NOS1AP: variants seen among roughly 807,000 people sequenced by gnomAD.
NOS1AP encodes the protein nitric oxide synthase 1 adaptor protein, also known as carboxyl-terminal PDZ ligand of neuronal nitric oxide synthase protein.
Under a neutral mutation model 56.2 loss-of-function variants are expected in NOS1AP, and 21 were observed. The observed-to-expected ratio is 0.37, with a 90% CI of 0.26 to 0.54. NOS1AP has a LOEUF of 0.54. Ranked by LOEUF, NOS1AP falls within the 20% of genes least tolerant of loss-of-function variation. NOS1AP has a pLI of 0.84. For synonymous variants in NOS1AP, 270 were observed against 274.6 expected, an observed-to-expected ratio of 0.98 and a Z score of 0.17; for missense variants, 522 against 657.8, an observed-to-expected ratio of 0.79 and a Z score of 2.26.
At chr1:162,202,402 G>T (rs1652023536) in intron 2 of NOS1AP, among the ~76,000 whole-genome samples, 1 of 152,022 alleles carries the variant, frequency 6.6e-6, no homozygotes, top group Non-Finnish European at 1.5e-5. Flanking sequence ...TTACAAAGTT[G>T]AAATCATGGT....
At chr1:162,311,442 T>C (rs1434917523) in intron 4 of NOS1AP, among the ~76,000 whole-genome samples, 5 of 152,172 alleles carry the variant, frequency 3.3e-5, no homozygotes, top group African/African-American at 1.2e-4. Flanking sequence ...ATACCTACAA[T>C]GGATGATGAG....
At chr1:162,308,463 A>G (rs746229103) in intron 4 of NOS1AP, among the ~76,000 whole-genome samples, 6 of 152,084 alleles carry the variant, frequency 3.9e-5, no homozygotes, top group Non-Finnish European at 7.4e-5. Context: ...GGCCCACAAC[A>G]CCTAGTGTCT....
chr1:162,330,506 C>T (rs1656730856), intron 4 of NOS1AP, among the ~76,000 whole-genome samples: 1 of 152,182 alleles, frequency 6.6e-6, no homozygotes, highest in Admixed American at 6.5e-5. Flanking sequence ...GTGTTCACAG[C>T]AGTTGCAGAA....
intron 1 of NOS1AP, among the ~76,000 whole-genome samples, chr1:162,131,128 C>A (rs16856790): frequency 6.6e-6 from 1 of 152,102 alleles, no homozygotes; most frequent in Admixed American, 6.5e-5. Flanking sequence ...AGAACTACTG[C>A]GTATTTTATA....
chr1:162,154,324 G>A, intron 1 of NOS1AP, 81 bp from the exon 2 acceptor site: 6 of 1,254,890 alleles, frequency 4.8e-6, no homozygotes, highest in Non-Finnish European at 7.0e-6. Context: ...AGATGAGCTA[G>A]TCCTTTACCC....
intron 1 of NOS1AP, among the ~76,000 whole-genome samples, chr1:162,127,430 T>G (rs1364316786): frequency 6.6e-6 from 1 of 152,154 alleles, no homozygotes; most frequent in Non-Finnish European, 1.5e-5. Flanking sequence ...GTAGGGATTA[T>G]TCATACTTCA....
intron 2 of NOS1AP, among the ~76,000 whole-genome samples, chr1:162,254,699 C>T (rs80206437): frequency 0.064 from 9,817 of 152,232 alleles, 412 homozygotes; most frequent in African/African-American, 0.11. Context: ...AATTAACTAC[C>T]ACAATACTTT....
chr1:162,279,457 C>T (rs536855442), intron 2 of NOS1AP, among the ~76,000 whole-genome samples: 11 of 152,314 alleles, frequency 7.2e-5, no homozygotes, highest in African/African-American at 2.4e-4. Flanking sequence ...ATGCAGCCTC[C>T]TCACAGAACA....
intron 3 of NOS1AP, 121 bp downstream of exon 3, chr1:162,287,557 T>C (rs1655127631): frequency 1.3e-6 from 1 of 766,328 alleles, no homozygotes. Flanking sequence ...CAAGCTCTTC[T>C]GCTTTGAGCA....
rs5778264 is a variant in NOS1AP at position 162,306,963 on chromosome 1, C to CA, written c.344+6271dup. On this transcript the variant is annotated intron_variant, in intron 4 of 9. Transcript: ENST00000361897. ...GGGCAACAGAGTGAGACTTTTGTCT[C>CA]AAAAAAAAAAAAAATAGTTTCATCC... Among the ~76,000 whole-genome samples the CA allele has an allele frequency of 1.5e-3, 213 of 142,180 alleles. 1 individual carries two copies. Among genetic ancestry groups the CA allele is most frequent in the African/African-American group, 3.8e-3 (148 of 38,504 alleles). 93.3% of individuals were successfully genotyped at this position (142,180 alleles called of 152,430 possible). A position where few individuals can be genotyped will look rare whatever the true frequency, so the allele number is the denominator to read the frequency against.
chr1:162,086,258 G>A (rs1233216094), intron 1 of NOS1AP, among the ~76,000 whole-genome samples: 1 of 152,108 alleles, frequency 6.6e-6, no homozygotes, highest in Admixed American at 6.5e-5. Context: ...GGAGAGTGGT[G>A]GAGGGGGCAA....
intron 4 of NOS1AP, among the ~76,000 whole-genome samples, chr1:162,330,039 C>G (rs996850609): frequency 5.3e-5 from 8 of 152,368 alleles, no homozygotes; most frequent in African/African-American, 1.9e-4. Flanking sequence ...TGCCGTTCCT[C>G]TGTTCCTTCC....
chr1:162,214,269 G>GTTCATTCATTCA, intron 2 of NOS1AP, among the ~76,000 whole-genome samples: 1 of 150,778 alleles, frequency 6.6e-6, no homozygotes, highest in Middle Eastern at 3.4e-3. Context: ...TCGTTCGTTC[G>GTTCATTCATTCA]TTCATTCATT....
At chr1:162,095,990 T>A (rs1692231887) in intron 1 of NOS1AP, among the ~76,000 whole-genome samples, 1 of 152,256 alleles carries the variant, frequency 6.6e-6, no homozygotes, top group Non-Finnish European at 1.5e-5. Context: ...TGTCTTCTAA[T>A]TCATCCTGTT....
At chr1:162,211,983 T>G (rs1282551832) in intron 2 of NOS1AP, among the ~76,000 whole-genome samples, 2 of 152,218 alleles carry the variant, frequency 1.3e-5, no homozygotes, top group African/African-American at 4.8e-5. Context: ...TATGAAGTCA[T>G]AAGACTACTT....
intron 1 of NOS1AP, among the ~76,000 whole-genome samples, chr1:162,133,809 A>C (rs1648860548): frequency 7.0e-6 from 1 of 143,482 alleles, no homozygotes; most frequent in Admixed American, 6.6e-5. Context: ...AGTGTGGTTA[A>C]TTCCTCTCAA....
intron 4 of NOS1AP, among the ~76,000 whole-genome samples, chr1:162,308,854 C>A (rs1446917373): frequency 6.6e-6 from 1 of 152,122 alleles, no homozygotes; most frequent in African/African-American, 2.4e-5. Flanking sequence ...TCCCAGCAAC[C>A]CTGAGTGGTA....
rs917425372 is a variant in NOS1AP, at chr1:162,367,472, C to T, written c.*5C>T. On this transcript the variant is annotated 3_prime_UTR_variant, in exon 10 of 10. Transcript: ENST00000361897. The surrounding 1 kb of genome is among the most constrained non-coding windows in gnomAD (Gnocchi z 6.5). ...GATGATGAGATCGCCGTGTAGGTGC[C>T]GAGGGCGAGGAGATGGAGGCGGCGG... The T allele has an allele frequency of 2.6e-6, 4 of 1,548,694 alleles. No individual in the cohort carries two copies. The highest frequency in any genetic ancestry group is 2.7e-5 in the African/African-American group (2 of 73,668).
intron 2 of NOS1AP, among the ~76,000 whole-genome samples, chr1:162,284,464 G>A (rs1655032401): frequency 6.6e-6 from 1 of 152,168 alleles, no homozygotes; most frequent in African/African-American, 2.4e-5. Context: ...CCTATTTCCT[G>A]CCTCTCTTGT....
Sources: gnomAD v4.1 joint callset for allele counts (sites outside exome capture counted in the v4.1 genomes callset) on GRCh38, gnomAD v4.1.1 for gene constraint, Gnocchi (gnomAD v3.1) non-coding constraint, MANE v1.5 for transcripts, NCBI Gene and HGNC (gene_info 2026-07-23, HGNC 2026-07-21) for gene names.